The following KHDRBS2 variants were observed in gnomAD, a reference collection of about 807,000 sequenced individuals.
KHDRBS2 encodes KH RNA binding domain containing, signal transduction associated 2.
Under a neutral mutation model 44.3 loss-of-function variants are expected in KHDRBS2, and 26 were observed. The ratio of observed to expected loss-of-function variants is 0.59; its 90% CI spans 0.43 to 0.81. KHDRBS2 has a LOEUF of 0.81. KHDRBS2 is among the 40% of genes least tolerant of loss of function. KHDRBS2 has a pLI of 0.00. For synonymous variants in KHDRBS2, 194 were observed against 151.1 expected, an observed-to-expected ratio of 1.28 and a Z score of -2.08; for missense variants, 476 against 433.1, an observed-to-expected ratio of 1.10 and a Z score of -0.88.
intron 2 of KHDRBS2, among the ~76,000 whole-genome samples, chr6:62,130,751 C>T (rs1322257266): frequency 1.3e-5 from 2 of 151,944 alleles, no homozygotes; most frequent in African/African-American, 4.8e-5. Flanking sequence ...ATTAAACATA[C>T]TCAGAACACT....
chr6:61,784,847 C>A (rs1783536270), intron 6 of KHDRBS2, among the ~76,000 whole-genome samples: 1 of 152,038 alleles, frequency 6.6e-6, no homozygotes, highest in Non-Finnish European at 1.5e-5. Context: ...ATTTTACAAG[C>A]TTTTAAAAAT....
intron 6 of KHDRBS2, among the ~76,000 whole-genome samples, chr6:61,840,740 C>G (rs145938132): frequency 6.6e-6 from 1 of 152,188 alleles, no homozygotes; most frequent in East Asian, 1.9e-4. Flanking sequence ...AATGTTGCAT[C>G]CCAACTGAGC....
intron 4 of KHDRBS2, among the ~76,000 whole-genome samples, chr6:61,925,725 CAA>C (rs563177938): frequency 4.0e-4 from 36 of 89,118 alleles, no homozygotes; most frequent in Admixed American, 6.3e-4. Flanking sequence ...CTCTCTCTCT[CAA>C]AAAAAAAAAA....
At chr6:62,101,742 T>A (rs185772261) in intron 2 of KHDRBS2, among the ~76,000 whole-genome samples, 34 of 152,270 alleles carry the variant, frequency 2.2e-4, no homozygotes, top group African/African-American at 7.2e-4. Flanking sequence ...AGTAATTCAG[T>A]TTTGGAGATA....
chr6:62,276,537 T>A (rs1308204671), intron 1 of KHDRBS2, among the ~76,000 whole-genome samples: 4 of 152,140 alleles, frequency 2.6e-5, no homozygotes, highest in Non-Finnish European at 5.9e-5. Context: ...TGCCACCACA[T>A]CACTAAGCTC....
intron 4 of KHDRBS2, among the ~76,000 whole-genome samples, chr6:61,965,437 C>T (rs550157955): frequency 3.3e-5 from 5 of 152,098 alleles, no homozygotes; most frequent in East Asian, 3.9e-4. Context: ...TTTGGAGAAA[C>T]GTGTAGTTTT....
chr6:62,095,363 C>T (rs1309964835), intron 2 of KHDRBS2, among the ~76,000 whole-genome samples: 1 of 151,684 alleles, frequency 6.6e-6, no homozygotes, highest in Non-Finnish European at 1.5e-5. Context: ...ATGGAGCCGT[C>T]CTATGCAGGT....
chr6:61,994,061 G>T (rs1387095958), intron 3 of KHDRBS2, among the ~76,000 whole-genome samples: 1 of 152,120 alleles, frequency 6.6e-6, no homozygotes, highest in Non-Finnish European at 1.5e-5. Flanking sequence ...GCTGCCTGCT[G>T]CTCAAGGAAC....
chr6:61,583,130 T>C, the KHDRBS2 span, among the ~76,000 whole-genome samples: 2 of 151,796 alleles, frequency 1.3e-5, no homozygotes, highest in Non-Finnish European at 3.0e-5. Context: ...CAAAATTCTG[T>C]CATGCCCTTT....
At chr6:61,946,215 C>A (rs1813349874) in intron 4 of KHDRBS2, among the ~76,000 whole-genome samples, 1 of 152,200 alleles carries the variant, frequency 6.6e-6, no homozygotes, top group South Asian at 2.1e-4. Context: ...ACTACTCTCT[C>A]CTCTTATTAC....
At chr6:61,671,502 T>A in the KHDRBS2 span, among the ~76,000 whole-genome samples, 3 of 151,812 alleles carry the variant, frequency 2.0e-5, no homozygotes, top group Non-Finnish European at 2.9e-5. Flanking sequence ...AAACAACATA[T>A]CAAGTAGAGT....
intron 7 of KHDRBS2, among the ~76,000 whole-genome samples, chr6:61,724,408 G>T (rs1334888739): frequency 6.6e-6 from 1 of 152,044 alleles, no homozygotes; most frequent in Non-Finnish European, 1.5e-5. Context: ...CATGTGAACA[G>T]TCTGCAAAAT....
chr6:62,033,920 T>A (rs544605903), intron 3 of KHDRBS2, among the ~76,000 whole-genome samples: 1 of 151,614 alleles, frequency 6.6e-6, no homozygotes, highest in African/African-American at 2.4e-5. Context: ...TACATTTATA[T>A]ATTTAGAAAG....
chr6:61,787,987 C>T (rs1582845427), intron 6 of KHDRBS2, among the ~76,000 whole-genome samples: 1 of 151,588 alleles, frequency 6.6e-6, no homozygotes, highest in Admixed American at 6.6e-5. Context: ...TTGTTAGAGA[C>T]ATTCTAATGC....
chr6:62,128,894 A>G (rs1809595104), intron 2 of KHDRBS2, among the ~76,000 whole-genome samples: 1 of 152,080 alleles, frequency 6.6e-6, no homozygotes, highest in Non-Finnish European at 1.5e-5. Context: ...TATATACTTA[A>G]CATGATTATA....
intron 6 of KHDRBS2, among the ~76,000 whole-genome samples, chr6:61,888,782 C>T (rs912952428): frequency 9.9e-5 from 15 of 151,930 alleles, no homozygotes; most frequent in African/African-American, 3.6e-4. Context: ...AGGATGGTCT[C>T]AATCTCCTGA....
the KHDRBS2 span, among the ~76,000 whole-genome samples, chr6:61,616,782 A>T: frequency 4.6e-5 from 7 of 152,214 alleles, no homozygotes; most frequent in African/African-American, 1.7e-4. Flanking sequence ...TGGTTAATAC[A>T]AAGCATGTAA....
intron 2 of KHDRBS2, among the ~76,000 whole-genome samples, chr6:62,079,703 A>G (rs911634130): frequency 2.0e-5 from 3 of 152,094 alleles, no homozygotes; most frequent in African/African-American, 7.2e-5. Flanking sequence ...AAACAGAGTG[A>G]TATCTAATAT....
At chr6:62,283,942 T>C (rs1842133308) in intron 1 of KHDRBS2, among the ~76,000 whole-genome samples, 1 of 152,142 alleles carries the variant, frequency 6.6e-6, no homozygotes, top group East Asian at 1.9e-4. Context: ...AACCTCTTTG[T>C]TTCTTACTTA....
Sources: gnomAD v4.1 joint callset for allele counts (sites outside exome capture counted in the v4.1 genomes callset) on GRCh38, gnomAD v4.1.1 for gene constraint, MANE v1.5 for transcripts, NCBI Gene and HGNC (gene_info 2026-07-23, HGNC 2026-07-21) for gene names.